Variants in REL observed in about 807,000 individuals in gnomAD.
REL encodes REL proto-oncogene, NF-kB subunit.
A neutral mutation model predicts 45.9 loss-of-function variants in REL; 15 were observed. The ratio of observed to expected loss-of-function variants is 0.33; its 90% CI spans 0.22 to 0.50. The LOEUF is 0.50. REL is among the 20% of genes least tolerant of loss of function. The pLI, the probability that REL is intolerant of heterozygous loss-of-function variation, is 0.98. For missense variants in REL, 601 were observed against 715.2 expected, an observed-to-expected ratio of 0.84 and a Z score of 1.82; for synonymous variants, 239 against 242.1, an observed-to-expected ratio of 0.99 and a Z score of 0.12.
intron 4 of REL, among the ~76,000 whole-genome samples, chr2:60,913,112 G>A (rs1673865873): frequency 1.3e-5 from 2 of 151,884 alleles, no homozygotes; most frequent in South Asian, 4.2e-4. Context: ...ATATTTTTCA[G>A]TTCTAGAATT....
In REL at chr2:60,881,581, T is replaced by C. The variant is rs901302304; in HGVS notation, c.-260T>C. 1 of 483,702 alleles carries C rather than the reference T, an allele frequency of 2.1e-6. No individual in the cohort carries two copies. Among genetic ancestry groups the C allele is most frequent in the Admixed American group, 4.0e-5 (1 of 25,118 alleles). The allele number at this position is 483,702 out of a possible 1,614,324, so 30.0% of individuals were successfully genotyped here. A position where few individuals can be genotyped will look rare whatever the true frequency, so the allele number is the denominator to read the frequency against. ...CCTCTCGGCTGGGCCAGCACTCGGC[T>C]CTCCCCGCTCCGCCCCCTGCCCCTG... On this transcript the variant is annotated 5_prime_UTR_variant, in exon 1 of 10. Coordinates refer to ENST00000394479, the MANE Select transcript of REL (RefSeq NM_001291746.2).
In REL at chr2:60,930,761, C is replaced by G. The variant is rs1348619410; in HGVS notation, c.*8226C>G. Reference sequence around the variant, plus strand: ...GAAAATACCACCAGCTAGTACTTACCTATTTAAAGATGTAGAATTTATTAT... The same window carrying G: ...GAAAATACCACCAGCTAGTACTTACGTATTTAAAGATGTAGAATTTATTAT... On this transcript the variant is annotated 3_prime_UTR_variant, in exon 10 of 10. Transcript: ENST00000394479. 6.6e-6 allele frequency: 1 copy of G among 152,268 alleles called. No homozygotes were observed. The highest frequency in any genetic ancestry group is 2.4e-5 in the African/African-American group (1 of 41,436). 9.4% of individuals were successfully genotyped at this position (152,268 alleles called of 1,614,324 possible). A position where few individuals can be genotyped will look rare whatever the true frequency, so the allele number is the denominator to read the frequency against.
At chr2:60,909,698 A>C (rs1673757866) in intron 4 of REL, among the ~76,000 whole-genome samples, 1 of 152,022 alleles carries the variant, frequency 6.6e-6, no homozygotes, top group South Asian at 2.1e-4. Flanking sequence ...GTCAAGAGAT[A>C]CAGACCATCC....
At chr2:60,896,219 G>C (rs541289984) in intron 3 of REL, among the ~76,000 whole-genome samples, 4 of 152,092 alleles carry the variant, frequency 2.6e-5, no homozygotes, top group South Asian at 2.1e-4. Context: ...ATGTTGGCTG[G>C]GCTGGTCTCG....
intron 4 of REL, among the ~76,000 whole-genome samples, chr2:60,909,091 C>T (rs563896007): frequency 6.6e-6 from 1 of 152,146 alleles, no homozygotes; most frequent in African/African-American, 2.4e-5. Context: ...TTCAGTATTC[C>T]TTGAGCATAT....
At chr2:60,886,385 T>A (rs1673072445) in intron 1 of REL, among the ~76,000 whole-genome samples, 1 of 152,212 alleles carries the variant, frequency 6.6e-6, no homozygotes, top group South Asian at 2.1e-4. Context: ...TATTTTAGAT[T>A]GCAGATTATG....
intron 1 of REL, among the ~76,000 whole-genome samples, chr2:60,886,849 A>G (rs1054116579): frequency 1.3e-5 from 2 of 152,214 alleles, no homozygotes; most frequent in Non-Finnish European, 2.9e-5. Flanking sequence ...GATATATCTT[A>G]CAAACATTTT....
intron 4 of REL, among the ~76,000 whole-genome samples, chr2:60,906,893 G>GTATATATA (rs1355849482): frequency 9.1e-4 from 110 of 121,334 alleles, no homozygotes; most frequent in East Asian, 5.1e-3. Flanking sequence ...GTGTGTGTGT[G>GTATATATA]TATATATATA....
At chr2:60,917,717 C>CGTGT (rs977815725) in intron 5 of REL, among the ~76,000 whole-genome samples, 29 of 145,408 alleles carry the variant, frequency 2.0e-4, no homozygotes, top group Non-Finnish European at 3.0e-4. Flanking sequence ...TGTGTGTGTA[C>CGTGT]GTGTGTGTGT....
At chr2:60,882,641 C>T (rs1233996349) in intron 1 of REL, among the ~76,000 whole-genome samples, 1 of 151,796 alleles carries the variant, frequency 6.6e-6, no homozygotes, top group Non-Finnish European at 1.5e-5. Flanking sequence ...CGCCCCTGCA[C>T]TCCAGCCTGG....
intron 4 of REL, among the ~76,000 whole-genome samples, chr2:60,910,239 G>A (rs946573900): frequency 3.3e-5 from 5 of 151,994 alleles, no homozygotes; most frequent in South Asian, 2.1e-4. Flanking sequence ...GCTGAGGTGC[G>A]CAGATCACGA....
intron 2 of REL, among the ~76,000 whole-genome samples, chr2:60,892,095 A>C (rs893305515): frequency 6.6e-6 from 1 of 152,182 alleles, no homozygotes; most frequent in Admixed American, 6.5e-5. Context: ...CAATGTTGAG[A>C]GTACACTGGC....
chr2:60,891,923 C>A, intron 2 of REL, 98 bp downstream of exon 2: 1 of 1,184,350 alleles, frequency 8.4e-7, no homozygotes, highest in East Asian at 2.6e-5. Flanking sequence ...CAGTCATCTC[C>A]ACAGGTTTAT....
rs1393225366 is a variant in REL, at chr2:60,897,949, GTCT to G, written c.303-3037_303-3035del. Among the ~76,000 whole-genome samples the G allele has an allele frequency of 2.6e-5, 4 of 151,464 alleles. No homozygotes were observed. In the East Asian group the frequency reaches 5.8e-4, roughly 22 times the overall value. ...TCATATCTCTTTCCCCTCATAACTG[GTCT>G]TCTTCCAATGTGCCGTATGTTAGTG... On this transcript the variant is annotated intron_variant, in intron 3 of 9. Coordinates refer to ENST00000394479, the MANE Select transcript of REL (RefSeq NM_001291746.2).
chr2:60,924,034 C>T lies in REL; in HGVS notation c.*1499C>T, dbSNP rs749319595. 7 of 232,554 alleles carry T rather than the reference C, an allele frequency of 3.0e-5. No homozygotes were observed. Among genetic ancestry groups the T allele is most frequent in the Non-Finnish European group, 5.1e-5 (6 of 117,602 alleles). The allele number at this position is 232,554 out of a possible 1,614,324, so 14.4% of individuals were successfully genotyped here. A position where few individuals can be genotyped will look rare whatever the true frequency, so the allele number is the denominator to read the frequency against. ...ACCTTGGCCTCAGTGCTCCTCAAAGCATCAAGTATGCACTTGCCTTGGACA... is the reference window on the plus strand; with the variant it reads ...ACCTTGGCCTCAGTGCTCCTCAAAGTATCAAGTATGCACTTGCCTTGGACA... On this transcript the variant is annotated 3_prime_UTR_variant, in exon 10 of 10. Coordinates refer to ENST00000394479, the MANE Select transcript of REL (RefSeq NM_001291746.2).
At chr2:60,901,127 A>C in intron 4 of REL, 44 bp downstream of exon 4, 3 of 665,116 alleles carry the variant, frequency 4.5e-6, no homozygotes, top group Non-Finnish European at 4.6e-6. Flanking sequence ...TTGGGTGTTG[A>C]TTTCTGTTTC....
rs1674258213 is a variant in REL, at chr2:60,925,952, A to G, written c.*3417A>G. The G allele has an allele frequency of 8.8e-6, 2 of 226,092 alleles. No individual in the cohort carries two copies. Among genetic ancestry groups the G allele is most frequent in the Non-Finnish European group, 8.8e-6 (1 of 113,278 alleles). The allele number at this position is 226,092 out of a possible 1,614,324, so 14.0% of individuals were successfully genotyped here. On this transcript the variant is annotated 3_prime_UTR_variant, in exon 10 of 10. Transcript: ENST00000394479. ...AGGTTCTGCTACCTCTGTGTGTAGA[A>G]TATTCCCAATGGATTTTTCATTTTT...
chr2:60,922,303 G>T lies in REL; in HGVS notation c.1532G>T (p.Ser511Ile). The T allele has an allele frequency of 6.2e-7, 1 of 1,614,120 alleles. No individual in the cohort carries two copies. The highest frequency in any genetic ancestry group is 1.1e-5 in the South Asian group (1 of 91,074). ...LRQLHQMSSS[S>I]MSAGANSNTT... ...CAGCTCCATCAGATGTCCTCTTCCA[G>T]TATGTCAGCAGGCGCCAATTCCAAT... Residue 511 changes from serine to isoleucine, a missense_variant, in exon 10 of 10, where the codon AGT becomes ATT. This residue lies in a region of REL where 334 missense variants were observed against 333.1 expected (regional missense o/e 1.00). Transcript: ENST00000394479.
intron 3 of REL, chr2:60,899,710 C>T (rs766077027): frequency 6.6e-6 from 1 of 152,228 alleles, no homozygotes; most frequent in African/African-American, 2.4e-5. Context: ...TTCACGCCCA[C>T]CCAATTTTAC....
Sources: allele counts gnomAD v4.1 joint callset (sites outside exome capture counted in the v4.1 genomes callset), GRCh38; gene constraint gnomAD v4.1.1; regional missense constraint gnomAD v4.1.1; transcripts MANE v1.5; gene names NCBI Gene and HGNC (gene_info 2026-07-23, HGNC 2026-07-21).